Variants in MAPK6 observed in about 807,000 individuals in gnomAD.
The protein encoded by MAPK6 is ERK-3.
In MAPK6, 19 loss-of-function variants were observed where a neutral mutation model predicts 59.3. The observed-to-expected ratio is 0.32, with a 90% CI of 0.22 to 0.47. The LOEUF (loss-of-function observed/expected upper bound fraction) is 0.47. Ranked by LOEUF, MAPK6 falls within the 20% of genes least tolerant of loss-of-function variation. The probability of loss-of-function intolerance (pLI) is 1.00; values close to 1 mark genes in which losing one functional copy is unlikely to be tolerated. For synonymous variants in MAPK6, 316 were observed against 290.3 expected, an observed-to-expected ratio of 1.09 and a Z score of -0.90; for missense variants, 724 against 847.9, an observed-to-expected ratio of 0.85 and a Z score of 1.81.
chr15:52,031,993 C>G (rs567469382), intron 1 of MAPK6, among the ~76,000 whole-genome samples: 1 of 151,616 alleles, frequency 6.6e-6, no homozygotes, highest in East Asian at 1.9e-4. Context: ...CCCTGCCTCC[C>G]GGGTTCATGC....
intron 1 of MAPK6, among the ~76,000 whole-genome samples, chr15:52,034,756 G>A (rs1365436658): frequency 1.3e-5 from 2 of 151,824 alleles, no homozygotes; most frequent in African/African-American, 4.8e-5. Flanking sequence ...GGAGTGCAGT[G>A]GTGTGATCTC....
chr15:51,975,013 G>A (rs891261378), intron 1 of MAPK6, among the ~76,000 whole-genome samples: 8 of 151,484 alleles, frequency 5.3e-5, no homozygotes, highest in African/African-American at 1.7e-4. Context: ...CACCGCACCA[G>A]GCCTGAGAAT....
intron 3 of MAPK6, among the ~76,000 whole-genome samples, chr15:52,053,143 GC>G (rs2031839076): frequency 1.3e-5 from 2 of 149,642 alleles, no homozygotes; most frequent in South Asian, 4.2e-4. Flanking sequence ...TGTGATCTTG[GC>G]TCACTGCAAC....
intron 1 of MAPK6, among the ~76,000 whole-genome samples, chr15:52,025,774 C>A (rs937254478): frequency 2.0e-5 from 3 of 151,692 alleles, no homozygotes; most frequent in African/African-American, 7.3e-5. Context: ...GGTGACAGAG[C>A]AAGACTACGT....
intron 3 of MAPK6, among the ~76,000 whole-genome samples, chr15:52,011,956 G>A (rs1303585423): frequency 6.6e-6 from 1 of 152,220 alleles, no homozygotes; most frequent in East Asian, 1.9e-4. Flanking sequence ...CCTCTCCTCT[G>A]CAGTTCCTTT....
At chr15:52,018,473 A>G (rs903737290), upstream of MAPK6, among the ~76,000 whole-genome samples, 2 of 152,194 alleles carry the variant, frequency 1.3e-5, no homozygotes, top group Non-Finnish European at 2.9e-5. Flanking sequence ...CTAATTTCAT[A>G]AATACTTAAA....
intron 3 of MAPK6, among the ~76,000 whole-genome samples, chr15:52,051,367 A>G (rs2031773644): frequency 6.6e-6 from 1 of 151,706 alleles, no homozygotes; most frequent in African/African-American, 2.4e-5. Flanking sequence ...CTCCATACCC[A>G]TTTTTAGAGT....
chr15:52,065,250 A>G lies in MAPK6; in HGVS notation c.*250A>G, dbSNP rs767719939. 1.4e-4 allele frequency: 52 copies of G among 365,550 alleles called. No individual in the cohort carries two copies. Among genetic ancestry groups the G allele is most frequent in the Non-Finnish European group, 2.4e-4 (49 of 204,190 alleles). The allele number at this position is 365,550 out of a possible 1,614,324, so 22.6% of individuals were successfully genotyped here. A position where few individuals can be genotyped will look rare whatever the true frequency, so the allele number is the denominator to read the frequency against. On this transcript the variant is annotated 3_prime_UTR_variant, in exon 6 of 6. Coordinates refer to ENST00000261845, the MANE Select transcript of MAPK6 (RefSeq NM_002748.4). The stretch of plus-strand genomic sequence containing the variant: ...AATGCAACGCAGGAGGAGAAAAGAA[A>G]TGCACTAAGACAAGAACATTCTCTC...
intron 1 of MAPK6, among the ~76,000 whole-genome samples, chr15:52,031,511 G>A (rs1016275370): frequency 5.9e-5 from 9 of 152,154 alleles, no homozygotes; most frequent in African/African-American, 2.2e-4. Context: ...ACATAATACA[G>A]TCTCAATAAA....
chr15:52,031,462 G>T (rs1223935652), intron 1 of MAPK6, among the ~76,000 whole-genome samples: 1 of 152,144 alleles, frequency 6.6e-6, no homozygotes, highest in Non-Finnish European at 1.5e-5. Flanking sequence ...CTATTGGGAG[G>T]ATTTAGTGTA....
intron 2 of MAPK6, among the ~76,000 whole-genome samples, chr15:52,001,423 T>C (rs2141824373): frequency 6.6e-6 from 1 of 152,338 alleles, no homozygotes; most frequent in East Asian, 1.9e-4. Flanking sequence ...TCTATCCTTT[T>C]GCTAGTACCA....
chr15:52,060,021 A>C (rs2032137858), intron 4 of MAPK6, among the ~76,000 whole-genome samples: 1 of 152,088 alleles, frequency 6.6e-6, no homozygotes, highest in Non-Finnish European at 1.5e-5. Context: ...TAGGAGCCCT[A>C]CTCTGGTTAA....
At chr15:52,063,872 G>GAATAACGCTAGTGTATTGATTT (rs766941779) in intron 5 of MAPK6, 30 bp from the exon 6 acceptor site, 1 of 1,520,270 alleles carries the variant, frequency 6.6e-7, no homozygotes, top group African/African-American at 1.4e-5. Flanking sequence ...CATATACGTA[G>GAATAACGCTAGTGTATTGATTT]AATAACGCTA....
In MAPK6 at chr15:52,064,798, G is replaced by A. The variant is rs148363441; in HGVS notation, c.1964G>A (p.Arg655Lys). The A allele has an allele frequency of 1.2e-4, 193 of 1,611,852 alleles. 1 individual carries two copies. The Middle Eastern group carries it at 2.0e-3, about 17-fold the overall frequency. The change falls in exon 6 of 6, where the codon AGA becomes AAA. Residue 655 changes from arginine to lysine, a missense_variant. Physicochemically the swap from Arg to Lys is conservative, Grantham distance 26. Coordinates refer to ENST00000261845, the MANE Select transcript of MAPK6 (RefSeq NM_002748.4). Reference sequence around the variant, plus strand: ...GTAGAGGATGGGAAGCTTGGGGAGAGAGGACATGAGGAAGGATTTCTGAAC... The same window carrying A: ...GTAGAGGATGGGAAGCTTGGGGAGAAAGGACATGAGGAAGGATTTCTGAAC... The part of the protein sequence containing the change: ...EPVEDGKLGE[R>K]GHEEGFLNNS...
chr15:51,976,696 G>T (rs2057158468), intron 1 of MAPK6, among the ~76,000 whole-genome samples: 1 of 151,776 alleles, frequency 6.6e-6, no homozygotes, highest in South Asian at 2.1e-4. Flanking sequence ...TATAATCTCA[G>T]CACGTTGGGA....
intron 3 of MAPK6, among the ~76,000 whole-genome samples, chr15:52,005,770 A>C (rs1222092463): frequency 5.9e-5 from 9 of 152,138 alleles, no homozygotes; most frequent in Non-Finnish European, 1.3e-4. Flanking sequence ...GGAATCAAAC[A>C]ACTAAGTGGC....
chr15:51,994,652 C>T (rs2057219637), intron 2 of MAPK6, among the ~76,000 whole-genome samples: 1 of 152,178 alleles, frequency 6.6e-6, no homozygotes. Context: ...AAAAGAGTAA[C>T]TTTACAGTGG....
chr15:52,034,850 A>G (rs2031184620), intron 1 of MAPK6, among the ~76,000 whole-genome samples: 1 of 151,142 alleles, frequency 6.6e-6, no homozygotes, highest in African/African-American at 2.4e-5. Flanking sequence ...GGTGTGCACC[A>G]CCACGCCCGG....
chr15:52,032,931 C>G (rs765420497), intron 1 of MAPK6, among the ~76,000 whole-genome samples: 2 of 150,614 alleles, frequency 1.3e-5, no homozygotes, highest in African/African-American at 4.9e-5. Flanking sequence ...GTGATCTGCC[C>G]GCTTCAGCCT....
Sources: gnomAD v4.1 joint callset for allele counts (sites outside exome capture counted in the v4.1 genomes callset) on GRCh38, gnomAD v4.1.1 for gene constraint, MANE v1.5 for transcripts, NCBI Gene and HGNC (gene_info 2026-07-23, HGNC 2026-07-21) for gene names.